HS6ST2: variants seen among roughly 807,000 people sequenced by gnomAD.
The protein encoded by HS6ST2 is heparan sulfate 6-O-sulfotransferase 2.
HS6ST2 carries 17 observed loss-of-function variants against 33.0 expected under a neutral mutation model. That is an observed-to-expected ratio of 0.52 (90% CI 0.35 to 0.77). HS6ST2 has a LOEUF of 0.77. Ranked by LOEUF, HS6ST2 falls within the 30% of genes least tolerant of loss-of-function variation. The pLI is 0.01. For missense variants in HS6ST2, 519 were observed against 551.7 expected (o/e 0.94, Z 0.59); for synonymous variants, 248 against 237.1 (o/e 1.05, Z -0.42).
At chrX:132,857,304 T>G (rs2065861402) in intron 2 of HS6ST2, among the ~76,000 whole-genome samples, 1 of 110,143 alleles carries the variant, frequency 9.1e-6, no homozygotes, top group African/African-American at 3.3e-5. Context: ...ACCAACATGG[T>G]GAAACCCCGC....
intron 2 of HS6ST2, among the ~76,000 whole-genome samples, chrX:132,838,404 C>T (rs1317597443): frequency 3.6e-5 from 4 of 111,662 alleles, no homozygotes; most frequent in East Asian, 2.8e-4. Context: ...ACGGTGATTA[C>T]AGTGAAGGGA....
At chrX:132,678,986 C>T (rs143030778) in intron 3 of HS6ST2, among the ~76,000 whole-genome samples, 10 of 111,849 alleles carry the variant, frequency 8.9e-5, no homozygotes, top group East Asian at 2.8e-4. Context: ...AAGGGAAAGA[C>T]GCCTAGAAAT....
intron 2 of HS6ST2, among the ~76,000 whole-genome samples, chrX:132,712,172 C>T (rs1176089564): frequency 9.0e-6 from 1 of 111,640 alleles, no homozygotes; most frequent in Non-Finnish European, 1.9e-5. Flanking sequence ...TGTGCTCACC[C>T]TCCCTTTAAC....
intron 2 of HS6ST2, among the ~76,000 whole-genome samples, chrX:132,928,480 C>A (rs906778908): frequency 9.0e-6 from 1 of 110,518 alleles, no homozygotes; most frequent in African/African-American, 3.3e-5. Context: ...GTGGATGGCC[C>A]AAGGCATTCA....
At chrX:132,637,844 ATATATAATATATATATAATATAT>A (rs2063565338) in intron 4 of HS6ST2, among the ~76,000 whole-genome samples, 1 of 41,168 alleles carries the variant, frequency 2.4e-5, no homozygotes, top group African/African-American at 4.7e-4. Context: ...ATAATATTTT[ATATATAATATATATATAATATAT>A]TATATATAAT....
intron 2 of HS6ST2, among the ~76,000 whole-genome samples, chrX:132,777,592 C>A (rs934525346): frequency 8.7e-5 from 8 of 92,142 alleles, no homozygotes; most frequent in Non-Finnish European, 1.5e-4. Flanking sequence ...CCACCACACC[C>A]GGCTAATTTT....
chrX:132,948,680 G>A (rs991866677), intron 2 of HS6ST2, among the ~76,000 whole-genome samples: 36 of 112,203 alleles, frequency 3.2e-4, no homozygotes, highest in African/African-American at 1.2e-3. Context: ...AAGCTCTTTT[G>A]CCAATAAATA....
intron 2 of HS6ST2, among the ~76,000 whole-genome samples, chrX:132,718,430 G>C (rs1367492730): frequency 8.9e-6 from 1 of 111,750 alleles, no homozygotes; most frequent in Non-Finnish European, 1.9e-5. Flanking sequence ...GCTGAGATGG[G>C]AATATTCAAT....
intron 2 of HS6ST2, among the ~76,000 whole-genome samples, chrX:132,726,514 T>C (rs1452210389): frequency 1.8e-5 from 2 of 112,194 alleles, no homozygotes; most frequent in Non-Finnish European, 3.8e-5. Flanking sequence ...TATGAAGGTA[T>C]AACTCACATA....
chrX:132,749,155 C>T (rs2064676232), intron 2 of HS6ST2, among the ~76,000 whole-genome samples: 1 of 112,122 alleles, frequency 8.9e-6, no homozygotes, highest in African/African-American at 3.2e-5. Flanking sequence ...ATCCTTCCTT[C>T]GGATTCTCAC....
intron 2 of HS6ST2, among the ~76,000 whole-genome samples, chrX:132,726,890 AT>A (rs745464887): frequency 4.4e-4 from 49 of 110,264 alleles, no homozygotes; most frequent in African/African-American, 5.6e-4. Flanking sequence ...GATATCCACA[AT>A]TTTTTTTTAA....
At chrX:132,712,307 C>A (rs992578941) in intron 2 of HS6ST2, among the ~76,000 whole-genome samples, 4 of 112,027 alleles carry the variant, frequency 3.6e-5, no homozygotes, top group Non-Finnish European at 7.5e-5. Flanking sequence ...CCTTTTGTAT[C>A]TCAAGCCACC....
At chrX:132,729,550 G>A (rs777715440) in intron 2 of HS6ST2, among the ~76,000 whole-genome samples, 2 of 111,404 alleles carry the variant, frequency 1.8e-5, no homozygotes, top group East Asian at 2.8e-4. Context: ...TACTTCAACC[G>A]AAACAACATA....
intron 2 of HS6ST2, among the ~76,000 whole-genome samples, chrX:132,836,166 T>C (rs2065641791): frequency 9.0e-6 from 1 of 111,480 alleles, no homozygotes; most frequent in African/African-American, 3.3e-5. Context: ...TAGTACTTTC[T>C]TCCCCCAGCA....
intron 3 of HS6ST2, among the ~76,000 whole-genome samples, chrX:132,706,105 G>A (rs1360626096): frequency 9.0e-6 from 1 of 111,032 alleles, no homozygotes; most frequent in African/African-American, 3.3e-5. Flanking sequence ...TGATTTGGTG[G>A]TTGTTATCAA....
intron 2 of HS6ST2, among the ~76,000 whole-genome samples, chrX:132,909,365 A>G (rs772705040): frequency 8.9e-6 from 1 of 112,047 alleles, no homozygotes; most frequent in African/African-American, 3.2e-5. Context: ...TGTCAGCTCC[A>G]CACGGATTCA....
At chrX:132,937,316 A>G (rs149417031) in intron 2 of HS6ST2, among the ~76,000 whole-genome samples, 210 of 112,100 alleles carry the variant, frequency 1.9e-3, no homozygotes, top group African/African-American at 6.3e-3. Context: ...AATACCAATA[A>G]CATTCTTCAT....
rs779585327 is a variant in HS6ST2 at position 132,828,693 on chromosome X, T to TAC, written c.948-120201_948-120200dup. Among the ~76,000 whole-genome samples the TAC allele has an allele frequency of 3.8e-3, 276 of 72,902 alleles. 8 individuals are homozygous for TAC. The highest frequency in any genetic ancestry group is 0.011 in the African/African-American group (192 of 17,117). 63.3% of individuals were successfully genotyped at this position (72,902 alleles called of 115,157 possible). On this transcript the variant is annotated intron_variant, in intron 2 of 4. Coordinates refer to ENST00000370833, the MANE Select transcript of HS6ST2 (RefSeq NM_001394073.1). The stretch of plus-strand genomic sequence containing the variant: ...ATATCATATTTTATATATATATATA[T>TAC]ACACACACACACACACACACACACA...
chrX:132,628,268 G>A lies in HS6ST2; in HGVS notation c.1893C>T (p.Ser631=), dbSNP rs2063492772. 8.6e-7 allele frequency: 1 copy of A among 1,165,443 alleles called. No individual in the cohort carries two copies. Among genetic ancestry groups the A allele is most frequent in the South Asian group, 1.9e-5 (1 of 52,463 alleles). ...NSGKEQNDNT[S]NGTNDYIGSV... The stretch of plus-strand genomic sequence containing the variant: ...TGCCTATGTAGTCGTTGGTGCCATT[G>A]CTGGTGTTATCATTCTGCTCCTTGC... Residue 631 remains serine (S), a synonymous_variant, in exon 5 of 5, where the codon AGC becomes AGT. Transcript: ENST00000370833.
Sources: gnomAD v4.1 joint callset for allele counts (sites outside exome capture counted in the v4.1 genomes callset) on GRCh38, gnomAD v4.1.1 for gene constraint, MANE v1.5 for transcripts, NCBI Gene and HGNC (gene_info 2026-07-23, HGNC 2026-07-21) for gene names.